Variants in VCL observed in about 807,000 individuals in gnomAD.
VCL encodes the protein epididymis luminal protein 114.
VCL carries 47 observed loss-of-function variants against 125.7 expected under a neutral mutation model. The ratio of observed to expected loss-of-function variants is 0.37; its 90% CI spans 0.30 to 0.48. The LOEUF (loss-of-function observed/expected upper bound fraction) is 0.48, where lower values mean the gene tolerates loss of function less well. Ranked by LOEUF, VCL falls within the 20% of genes least tolerant of loss-of-function variation. The pLI is 0.99. For synonymous variants in VCL, 458 were observed against 514.6 expected (o/e 0.89, Z 1.49); for missense variants, 1,069 against 1,455.5 (o/e 0.73, Z 4.32).
chr10:74,072,641 A>G, intron 4 of VCL, 89 bp from the exon 5 acceptor site: 1 of 1,597,370 alleles, frequency 6.3e-7, no homozygotes, highest in Non-Finnish European at 8.6e-7. Flanking sequence ...TTGAACTTTC[A>G]TAGTATTTCA....
rs1841668114 is a variant in VCL, at chr10:74,071,870, G to A, written c.499+787G>A. Reference sequence around the variant, plus strand: ...ATCACTGAAGATCACCTGGAAATAGGTTTCTCTGGTGGCTTTAGAGTAGTC... The same window carrying A: ...ATCACTGAAGATCACCTGGAAATAGATTTCTCTGGTGGCTTTAGAGTAGTC... On this transcript the variant is annotated intron_variant, in intron 4 of 21. Transcript: ENST00000211998. The surrounding 1 kb of genome is among the most constrained non-coding windows in gnomAD (Gnocchi z 4.1). 6.6e-6 allele frequency among the ~76,000 whole-genome samples: 1 copy of A among 152,170 alleles called. No homozygotes were observed. Among genetic ancestry groups the A allele is most frequent in the Non-Finnish European group, 1.5e-5 (1 of 68,034 alleles).
intron 20 of VCL, 75 bp downstream of exon 20, chr10:74,114,462 G>A: frequency 6.6e-7 from 1 of 1,521,698 alleles, no homozygotes; most frequent in Non-Finnish European, 9.0e-7. Context: ...TTGGAGGGGA[G>A]GGTATGAGAG....
intron 12 of VCL, among the ~76,000 whole-genome samples, chr10:74,096,965 G>A (rs1255588333): frequency 6.6e-6 from 1 of 152,212 alleles, no homozygotes; most frequent in Non-Finnish European, 1.5e-5. Context: ...TTGATTGAGT[G>A]GAACAGTCTC....
chr10:74,118,244 CCA>C lies in VCL; in HGVS notation c.*76_*77del. 2 of 1,592,228 alleles carry C rather than the reference CCA, an allele frequency of 1.3e-6. No homozygotes were observed. The highest frequency in any genetic ancestry group is 1.1e-5 in the South Asian group (1 of 89,632). On this transcript the variant is annotated 3_prime_UTR_variant, in exon 22 of 22. Coordinates refer to ENST00000211998, the MANE Select transcript of VCL (RefSeq NM_014000.3). ...AAATGATCTGAGTCCCAGGAGCTGC[CCA>C]GAGTTGCTGGGAGCTGAAAAATCAC...
At chr10:74,011,593 T>C (rs1423208223) in intron 1 of VCL, among the ~76,000 whole-genome samples, 2 of 152,206 alleles carry the variant, frequency 1.3e-5, no homozygotes, top group African/African-American at 4.8e-5. Context: ...CTAGTCATTT[T>C]AGGTTATTTT....
rs773392439 is a variant in VCL, at chr10:74,083,504, T to TCC, written c.1014_1015dup (p.Arg339ProfsTer40). ...CAGATGACTGATCAAGTGGCTGACC[T>TCC]CCGTGCCAGGTAAAAGTTCCTCTGT... On this transcript the variant is annotated frameshift_variant, in exon 8 of 22. Transcript: ENST00000211998. LOFTEE classifies it high-confidence loss of function. 3 of 1,613,902 alleles carry TCC rather than the reference T, an allele frequency of 1.9e-6. No homozygotes were observed. The highest frequency in any genetic ancestry group is 2.5e-6 in the Non-Finnish European group (3 of 1,179,888).
At chr10:74,057,182 C>G (rs1052767702) in intron 2 of VCL, among the ~76,000 whole-genome samples, 3 of 151,968 alleles carry the variant, frequency 2.0e-5, no homozygotes, top group Non-Finnish European at 4.4e-5. Flanking sequence ...TGGGCTCAAG[C>G]AATCCTCCCA....
At chr10:74,089,092 A>T in intron 8 of VCL, 104 bp from the exon 9 acceptor site, 7 of 1,535,328 alleles carry the variant, frequency 4.6e-6, no homozygotes, top group Non-Finnish European at 6.2e-6. Flanking sequence ...AAAAAGGAAA[A>T]AGCCAAGCAT....
intron 19 of VCL, among the ~76,000 whole-genome samples, chr10:74,113,578 CT>C (rs5786134): frequency 0.48 from 69,717 of 146,670 alleles, 17,697 homozygotes; most frequent in Middle Eastern, 0.59. Context: ...CAGAAAATAT[CT>C]TTTTTTTTTT....
At chr10:74,109,971 C>G (rs1840195132) in intron 18 of VCL, among the ~76,000 whole-genome samples, 1 of 152,144 alleles carries the variant, frequency 6.6e-6, no homozygotes, top group African/African-American at 2.4e-5. Context: ...ATCCTCAAAG[C>G]TTTCAAGCTC....
intron 2 of VCL, among the ~76,000 whole-genome samples, chr10:74,046,046 A>G (rs1371389023): frequency 1.3e-5 from 2 of 152,122 alleles, no homozygotes; most frequent in African/African-American, 2.4e-5. Flanking sequence ...TGGGTGCTTT[A>G]TGCAACTGTG....
intron 8 of VCL, among the ~76,000 whole-genome samples, chr10:74,087,582 G>C (rs1197816668): frequency 7.0e-6 from 1 of 143,038 alleles, no homozygotes; most frequent in African/African-American, 2.6e-5. Context: ...GGATGGTCTC[G>C]ATCTCGTGAC....
In VCL at chr10:74,013,792, C is replaced by T. The variant is rs191765318; in HGVS notation, c.168+15417C>T. Among the ~76,000 whole-genome samples the T allele has an allele frequency of 1.2e-3, 176 of 152,218 alleles. 1 individual carries two copies. The highest frequency in any genetic ancestry group is 4.1e-3 in the African/African-American group (172 of 41,530). ...GTTCATTAAAATGTTTATAACTATT[C>T]CTGACACAGAGCTAAGAGCTTTATG... On this transcript the variant is annotated intron_variant, in intron 1 of 21. Transcript: ENST00000211998.
chr10:74,054,975 A>C (rs1036030807), intron 2 of VCL, among the ~76,000 whole-genome samples: 2 of 152,084 alleles, frequency 1.3e-5, no homozygotes, highest in African/African-American at 4.8e-5. Flanking sequence ...TGAGATTTTA[A>C]ATTATTTCTT....
chr10:74,018,222 A>AT lies in VCL; in HGVS notation c.168+19849dup, dbSNP rs922253233. Among the ~76,000 whole-genome samples, 6 of 142,674 alleles carry AT rather than the reference A, an allele frequency of 4.2e-5. No homozygotes were observed. The East Asian group carries it at 9.9e-4, about 24-fold the overall frequency. The allele number at this position is 142,674 out of a possible 152,430, so 93.6% of individuals were successfully genotyped here. ...TATATAAATACATATATATATGTGT[A>AT]TTATTTTATTTTATTTTATAGAATG... On this transcript the variant is annotated intron_variant, in intron 1 of 21. Transcript: ENST00000211998.
rs374522164 is a variant in VCL at position 74,090,203 on chromosome 10, G to A, written c.1352+5G>A. ...ATTAGCAGATCTACGAAGACAGTAT[G>A]TATTTAACCCTTACATTGCCTTTTC... is the stretch of plus-strand genomic sequence containing the variant. On this transcript the variant is annotated splice_donor_5th_base_variant and intron_variant, in intron 10 of 21. Coordinates refer to ENST00000211998, the MANE Select transcript of VCL (RefSeq NM_014000.3). The A allele has an allele frequency of 2.6e-5, 42 of 1,613,908 alleles. No individual in the cohort carries two copies. The highest frequency in any genetic ancestry group is 3.4e-5 in the Non-Finnish European group (40 of 1,179,990).
chr10:74,051,839 A>T (rs188015756), intron 2 of VCL, among the ~76,000 whole-genome samples: 175 of 152,330 alleles, frequency 1.1e-3, no homozygotes, highest in African/African-American at 4.0e-3. Flanking sequence ...TTCCTAGGAA[A>T]GAATTCAAGA....
Position 74,116,853 on chromosome 10 carries a change from A to G in VCL, c.3259-1170A>G, listed in dbSNP as rs534392778. Among the ~76,000 whole-genome samples, 4 of 152,350 alleles carry G rather than the reference A, an allele frequency of 2.6e-5. No homozygotes were observed. The East Asian group carries it at 5.8e-4, about 22-fold the overall frequency. ...AAAAGAACAACTGATGAGGAATTCC[A>G]GCCCACAGTTACACTTATCAGAGCC... On this transcript the variant is annotated intron_variant, in intron 21 of 21. Coordinates refer to ENST00000211998, the MANE Select transcript of VCL (RefSeq NM_014000.3).
intron 6 of VCL, among the ~76,000 whole-genome samples, chr10:74,078,395 T>C (rs1231091910): frequency 6.6e-6 from 1 of 151,824 alleles, no homozygotes; most frequent in African/African-American, 2.4e-5. Flanking sequence ...TGCAGACCAC[T>C]GGGATTTAAG....
Sources: allele counts gnomAD v4.1 joint callset (sites outside exome capture counted in the v4.1 genomes callset), GRCh38; gene constraint gnomAD v4.1.1; non-coding constraint Gnocchi (gnomAD v3.1); transcripts MANE v1.5; gene names NCBI Gene and HGNC (gene_info 2026-07-23, HGNC 2026-07-21).